The following KCNQ5 variants were observed in gnomAD, a reference collection of about 807,000 sequenced individuals.
KCNQ5 encodes the protein potassium voltage-gated channel subfamily Q member 5.
A neutral mutation model predicts 98.2 loss-of-function variants in KCNQ5; 30 were observed. The observed-to-expected ratio is 0.31, with a 90% CI of 0.23 to 0.41. The LOEUF is 0.41. Among genes scored for constraint, KCNQ5 ranks in the 10% least tolerant of loss-of-function variants. KCNQ5 has a pLI of 1.00. For synonymous variants in KCNQ5, 458 were observed against 449.4 expected (o/e 1.02, Z -0.24); for missense variants, 835 against 1,182.5 (o/e 0.71, Z 4.31).
chr6:72,855,160 G>A (rs1238997259), intron 1 of KCNQ5, among the ~76,000 whole-genome samples: 2 of 152,144 alleles, frequency 1.3e-5, no homozygotes, highest in African/African-American at 2.4e-5. Flanking sequence ...GCTTTGGATA[G>A]GAAGATAAGA....
At chr6:72,987,269 AAC>A in intron 1 of KCNQ5, 1 of 690,498 alleles carries the variant, frequency 1.4e-6, no homozygotes. Context: ...GGAAGGAGGA[AAC>A]AGAGACGGAC....
At chr6:72,646,228 AAT>A (rs1765587294) in intron 1 of KCNQ5, among the ~76,000 whole-genome samples, 1 of 152,082 alleles carries the variant, frequency 6.6e-6, no homozygotes, top group Non-Finnish European at 1.5e-5. Context: ...TTGTCTTTTA[AAT>A]ATGTTTGTAT....
intron 1 of KCNQ5, among the ~76,000 whole-genome samples, chr6:72,734,330 T>A (rs953835068): frequency 8.4e-6 from 1 of 118,354 alleles, no homozygotes; most frequent in African/African-American, 4.2e-5. Flanking sequence ...GTTTGTTTGT[T>A]TGTTTGTTTG....
chr6:72,701,795 A>G (rs1217839744), intron 1 of KCNQ5, among the ~76,000 whole-genome samples: 1 of 151,816 alleles, frequency 6.6e-6, no homozygotes, highest in African/African-American at 2.4e-5. Flanking sequence ...GCTCACTGCA[A>G]CCCCCATCTC....
chr6:73,055,579 G>C, intron 3 of KCNQ5: 1 of 1,381,982 alleles, frequency 7.2e-7, no homozygotes, highest in Admixed American at 1.7e-5. Context: ...CCAGAGCTCT[G>C]CCCTTCTGGA....
At chr6:72,651,352 G>A (rs1436027234) in intron 1 of KCNQ5, among the ~76,000 whole-genome samples, 3 of 152,006 alleles carry the variant, frequency 2.0e-5, no homozygotes, top group African/African-American at 7.2e-5. Context: ...TAATTACAAA[G>A]AAATGTACTT....
intron 1 of KCNQ5, among the ~76,000 whole-genome samples, chr6:72,731,410 C>A (rs977769680): frequency 6.6e-6 from 1 of 152,184 alleles, no homozygotes; most frequent in Non-Finnish European, 1.5e-5. Flanking sequence ...ATAACAGTGT[C>A]TTTCAACACA....
intron 1 of KCNQ5, among the ~76,000 whole-genome samples, chr6:72,704,411 T>C (rs73756018): frequency 0.1 from 15,944 of 152,114 alleles, 1,494 homozygotes; most frequent in African/African-American, 0.25. Flanking sequence ...GGTTTTTTTT[T>C]CCCAATTTCT....
intron 1 of KCNQ5, among the ~76,000 whole-genome samples, chr6:72,847,380 C>T (rs1196425176): frequency 1.3e-5 from 2 of 152,106 alleles, no homozygotes; most frequent in Non-Finnish European, 2.9e-5. Context: ...AGGCTGGTCT[C>T]GAACTCCTGG....
intron 1 of KCNQ5, among the ~76,000 whole-genome samples, chr6:72,654,610 G>A (rs982112495): frequency 3.9e-5 from 6 of 152,068 alleles, no homozygotes; most frequent in South Asian, 2.1e-4. Context: ...GACATATCAA[G>A]AGAGTGCTGC....
intron 1 of KCNQ5, among the ~76,000 whole-genome samples, chr6:72,750,574 T>C (rs1391644217): frequency 6.6e-6 from 1 of 151,916 alleles, no homozygotes; most frequent in Non-Finnish European, 1.5e-5. Flanking sequence ...ACATGGCCAC[T>C]GTATGATGCT....
chr6:73,169,783 A>G lies in KCNQ5; in HGVS notation c.1506A>G (p.Glu502=). The G allele has an allele frequency of 6.2e-7, 1 of 1,614,020 alleles. No individual in the cohort carries two copies. Among genetic ancestry groups the G allele is most frequent in the Non-Finnish European group, 8.5e-7 (1 of 1,179,890 alleles). The change falls in exon 11 of 14, where the codon GAA becomes GAG. Residue 502 remains glutamate (E), a synonymous_variant. Transcript: ENST00000370398. ...TTGGCACTGATGATGTATATGATGAAAAAGGATGCCAGTGTGATGTATCAG... is the reference window on the plus strand; with the variant it reads ...TTGGCACTGATGATGTATATGATGAGAAAGGATGCCAGTGTGATGTATCAG... The part of the protein sequence containing the change: ...TALGTDDVYD[E]KGCQCDVSVE...
chr6:72,774,016 AT>A (rs1275996601), intron 1 of KCNQ5, among the ~76,000 whole-genome samples: 2 of 152,038 alleles, frequency 1.3e-5, no homozygotes, highest in South Asian at 4.1e-4. Flanking sequence ...TGGGAAAATA[AT>A]TTTTTCCCCC....
chr6:73,185,669 A>G (rs961776286), intron 11 of KCNQ5, among the ~76,000 whole-genome samples: 14 of 152,232 alleles, frequency 9.2e-5, no homozygotes, highest in African/African-American at 3.4e-4. Context: ...AGAGAGATAG[A>G]GGCCAGTTTA....
chr6:73,181,200 A>G (rs1376920989), intron 11 of KCNQ5, among the ~76,000 whole-genome samples: 1 of 152,142 alleles, frequency 6.6e-6, no homozygotes, highest in Non-Finnish European at 1.5e-5. Flanking sequence ...TTTGTGATGA[A>G]TCTTTTACAC....
intron 1 of KCNQ5, among the ~76,000 whole-genome samples, chr6:72,828,485 C>T (rs528671130): frequency 3.4e-4 from 52 of 151,844 alleles, no homozygotes; most frequent in Non-Finnish European, 6.5e-4. Context: ...TTTTTTGTAG[C>T]TATTGTAAAT....
intron 1 of KCNQ5, among the ~76,000 whole-genome samples, chr6:72,910,967 C>G (rs2150205405): frequency 6.6e-6 from 1 of 152,238 alleles, no homozygotes; most frequent in Admixed American, 6.5e-5. Flanking sequence ...AGCAAAGAAG[C>G]TCACACACAG....
chr6:72,889,579 G>A (rs979163556), intron 1 of KCNQ5, among the ~76,000 whole-genome samples: 98 of 152,230 alleles, frequency 6.4e-4, no homozygotes, highest in Middle Eastern at 3.4e-3. Flanking sequence ...TGTGCCAAGC[G>A]CCATGCTAGA....
intron 1 of KCNQ5, among the ~76,000 whole-genome samples, chr6:72,915,679 C>A (rs1244259176): frequency 6.6e-6 from 1 of 152,012 alleles, no homozygotes; most frequent in Non-Finnish European, 1.5e-5. Context: ...CTCACCTGTA[C>A]ACATAATCAC....
Sources: gnomAD v4.1 joint callset for allele counts (sites outside exome capture counted in the v4.1 genomes callset) on GRCh38, gnomAD v4.1.1 for gene constraint, MANE v1.5 for transcripts, NCBI Gene and HGNC (gene_info 2026-07-23, HGNC 2026-07-21) for gene names.